SNAP25: variants seen among roughly 807,000 people sequenced by gnomAD.
SNAP25 encodes synaptosomal-associated protein 25.
In SNAP25, 3 loss-of-function variants were observed where a neutral mutation model predicts 28.7. The ratio of observed to expected loss-of-function variants is 0.10; its 90% CI spans 0.05 to 0.27. The LOEUF is 0.27. SNAP25 is among the 10% of genes least tolerant of loss of function. The pLI is 1.00. For missense variants in SNAP25, 117 were observed against 278.7 expected (o/e 0.42, Z 4.13); for synonymous variants, 61 against 88.1 (o/e 0.69, Z 1.72).
chr20:10,221,416 T>C (rs2062631776), intron 1 of SNAP25, among the ~76,000 whole-genome samples: 1 of 152,148 alleles, frequency 6.6e-6, no homozygotes, highest in South Asian at 2.1e-4. Flanking sequence ...ATTGACAAGC[T>C]TCCAGGGAAA....
intron 3 of SNAP25, among the ~76,000 whole-genome samples, chr20:10,282,892 A>G (rs553762091): frequency 1.2e-4 from 18 of 152,334 alleles, no homozygotes; most frequent in African/African-American, 4.3e-4. Flanking sequence ...CCTGTTTACA[A>G]CCCATTTAAA....
intron 1 of SNAP25, among the ~76,000 whole-genome samples, chr20:10,240,481 GAGA>G (rs2063007101): frequency 6.6e-6 from 1 of 152,162 alleles, no homozygotes; most frequent in Non-Finnish European, 1.5e-5. Context: ...CCATGCTCAA[GAGA>G]AGGAGATGAT....
At position 10,277,782 on chromosome 20, in the gene SNAP25, CT is replaced by C. The variant is rs757061033; in HGVS notation, c.114+59del. ...AACAAATCCCTTATGCTGATACATC[CT>C]TTCCTAGTTGCTATGATGTTTCCTT... On this transcript the variant is annotated intron_variant, in intron 3 of 7. Transcript: ENST00000254976. 4.9e-5 allele frequency: 72 copies of C among 1,474,520 alleles called. 1 individual carries two copies. The highest frequency in any genetic ancestry group is 3.4e-4 in the East Asian group (15 of 44,136). The allele number at this position is 1,474,520 out of a possible 1,614,324, so 91.3% of individuals were successfully genotyped here. A position where few individuals can be genotyped will look rare whatever the true frequency, so the allele number is the denominator to read the frequency against.
intron 7 of SNAP25, among the ~76,000 whole-genome samples, chr20:10,300,346 T>C (rs1217107696): frequency 4.6e-5 from 7 of 152,152 alleles, no homozygotes; most frequent in Non-Finnish European, 1.0e-4. Flanking sequence ...ATCAGTAGGG[T>C]CTTGAATATT....
chr20:10,301,417 T>C (rs1403036504), intron 7 of SNAP25, among the ~76,000 whole-genome samples: 3 of 152,164 alleles, frequency 2.0e-5, no homozygotes, highest in African/African-American at 7.2e-5. Flanking sequence ...CCCTTTTTTT[T>C]CCAGAATCAA....
At chr20:10,300,240 C>T (rs1168041674) in intron 7 of SNAP25, among the ~76,000 whole-genome samples, 4 of 152,228 alleles carry the variant, frequency 2.6e-5, no homozygotes, top group Middle Eastern at 3.4e-3. Flanking sequence ...AACACTGGAA[C>T]GTTCCTATAA....
chr20:10,234,324 G>A (rs555559452), intron 1 of SNAP25, among the ~76,000 whole-genome samples: 1 of 152,304 alleles, frequency 6.6e-6, no homozygotes, highest in East Asian at 1.9e-4. Context: ...GACAGAGCCA[G>A]TTCAGGGATG....
intron 1 of SNAP25, among the ~76,000 whole-genome samples, chr20:10,253,695 T>C (rs1018152880): frequency 6.6e-6 from 1 of 152,178 alleles, no homozygotes; most frequent in Non-Finnish European, 1.5e-5. Context: ...GTAATTTTTA[T>C]ATGCAGGACA....
chr20:10,235,889 C>A (rs2062909833), intron 1 of SNAP25, among the ~76,000 whole-genome samples: 1 of 152,126 alleles, frequency 6.6e-6, no homozygotes, highest in African/African-American at 2.4e-5. Flanking sequence ...AGAACAAGCC[C>A]CAATGTGCAA....
chr20:10,272,761 C>T lies in SNAP25; in HGVS notation c.-63-2668C>T, dbSNP rs528278394. 1.6e-3 allele frequency among the ~76,000 whole-genome samples: 238 copies of T among 152,294 alleles called. 1 individual carries two copies. Among genetic ancestry groups the T allele is most frequent in the Admixed American group, 3.1e-3 (47 of 15,294 alleles). On this transcript the variant is annotated intron_variant, in intron 1 of 7. Transcript: ENST00000254976. ...ATGACTGCCCATAAAGCTAACCTCA[C>T]ATAAACTTACTCCATTATTTGTTTA...
intron 1 of SNAP25, among the ~76,000 whole-genome samples, chr20:10,221,262 G>A (rs933453275): frequency 2.0e-5 from 3 of 152,194 alleles, no homozygotes; most frequent in Non-Finnish European, 4.4e-5. Flanking sequence ...AGGAGCGGGG[G>A]AAGTAGAGGA....
intron 4 of SNAP25, among the ~76,000 whole-genome samples, chr20:10,291,726 ATGTACTT>A (rs767820616): frequency 2.0e-5 from 3 of 152,240 alleles, no homozygotes; most frequent in Non-Finnish European, 4.4e-5. Flanking sequence ...TAGGCTGGAA[ATGTACTT>A]ATCAGTTGTA....
chr20:10,302,729 A>G (rs2064269758), intron 7 of SNAP25, among the ~76,000 whole-genome samples: 1 of 152,134 alleles, frequency 6.6e-6, no homozygotes, highest in African/African-American at 2.4e-5. Flanking sequence ...AAGTAGGGTG[A>G]TCATAGGGGC....
At position 10,293,705 on chromosome 20, in the gene SNAP25, G is replaced by A. The variant is rs534089894; in HGVS notation, c.281+427G>A. Among the ~76,000 whole-genome samples, 4 of 152,308 alleles carry A rather than the reference G, an allele frequency of 2.6e-5. No homozygotes were observed. In the East Asian group the frequency reaches 7.7e-4, roughly 29 times the overall value. On this transcript the variant is annotated intron_variant, in intron 5 of 7. Transcript: ENST00000254976. This position sits in a 1 kb window ranked among gnomAD's most constrained non-coding sequence, Gnocchi z 5.6. Reference sequence around the variant, plus strand: ...ATTTTTTCCAAAATAAAAGAGACAGGTAATTTGGCCCAGGGAAGGATTCTA... The same window carrying A: ...ATTTTTTCCAAAATAAAAGAGACAGATAATTTGGCCCAGGGAAGGATTCTA...
At chr20:10,234,917 G>T (rs1204598425) in intron 1 of SNAP25, among the ~76,000 whole-genome samples, 2 of 152,190 alleles carry the variant, frequency 1.3e-5, no homozygotes, top group African/African-American at 4.8e-5. Flanking sequence ...ATAGGGATTA[G>T]CTGGGCATGG....
At chr20:10,265,997 T>C (rs2063500207) in intron 1 of SNAP25, among the ~76,000 whole-genome samples, 1 of 152,218 alleles carries the variant, frequency 6.6e-6, no homozygotes, top group Non-Finnish European at 1.5e-5. Context: ...CCCCCTAGTT[T>C]CATATAAAGT....
rs1324380346 is a variant in SNAP25 at position 10,271,912 on chromosome 20, TC to T, written c.-63-3510del. ...CTTGCTTAGGCCGAAGATACACATT[TC>T]CCCCCCAGGAACCCAGCAGCAAAAT... On this transcript the variant is annotated intron_variant, in intron 1 of 7. Coordinates refer to ENST00000254976, the MANE Select transcript of SNAP25 (RefSeq NM_130811.4). 2.0e-5 allele frequency among the ~76,000 whole-genome samples: 3 copies of T among 151,684 alleles called. No individual in the cohort carries two copies. In the East Asian group the frequency reaches 5.8e-4, roughly 30 times the overall value.
intron 1 of SNAP25, among the ~76,000 whole-genome samples, chr20:10,266,799 A>G (rs1306314547): frequency 6.6e-6 from 1 of 152,214 alleles, no homozygotes; most frequent in African/African-American, 2.4e-5. Flanking sequence ...GAAGAAATTG[A>G]TGGAACGAAC....
intron 1 of SNAP25, among the ~76,000 whole-genome samples, chr20:10,229,098 C>G (rs747277491): frequency 7.2e-5 from 11 of 152,048 alleles, no homozygotes; most frequent in Non-Finnish European, 1.6e-4. Flanking sequence ...TCCTTAACAT[C>G]TTGTATTTTA....
Sources: allele counts gnomAD v4.1 joint callset (sites outside exome capture counted in the v4.1 genomes callset), GRCh38; gene constraint gnomAD v4.1.1; non-coding constraint Gnocchi (gnomAD v3.1); transcripts MANE v1.5; gene names NCBI Gene and HGNC (gene_info 2026-07-23, HGNC 2026-07-21).